IMPG1: variants seen among roughly 807,000 people sequenced by gnomAD.
The protein encoded by IMPG1 is interphotoreceptor matrix proteoglycan of 150 kDa.
Under a neutral mutation model 92.0 loss-of-function variants are expected in IMPG1, and 85 were observed. The observed-to-expected ratio is 0.92, with a 90% CI of 0.78 to 1.11. IMPG1 has a LOEUF of 1.11. Among genes scored for constraint, IMPG1 ranks in the 50% least tolerant of loss-of-function variants. The pLI is 0.00. For synonymous variants in IMPG1, 367 were observed against 334.1 expected (o/e 1.10, Z -1.08); for missense variants, 1,022 against 956.0 (o/e 1.07, Z -0.91).
At chr6:75,972,071 T>C (rs1782429171) in intron 12 of IMPG1, among the ~76,000 whole-genome samples, 1 of 152,206 alleles carries the variant, frequency 6.6e-6, no homozygotes, top group Non-Finnish European at 1.5e-5. Flanking sequence ...CAAGAGTTAG[T>C]CTAGGCTTGA....
intron 14 of IMPG1, among the ~76,000 whole-genome samples, chr6:75,936,001 A>AG (rs1457964765): frequency 1.3e-5 from 2 of 152,206 alleles, no homozygotes; most frequent in Non-Finnish European, 2.9e-5. Flanking sequence ...GATGTTACAC[A>AG]GGGACCTCAC....
intron 7 of IMPG1, among the ~76,000 whole-genome samples, chr6:76,012,963 AC>A (rs1783215692): frequency 6.6e-6 from 1 of 150,906 alleles, no homozygotes; most frequent in Non-Finnish European, 1.5e-5. Flanking sequence ...GCAGCCACCG[AC>A]TCTGGTTGGT....
rs149254300 is a variant in IMPG1, at chr6:76,003,895, T to C, written c.1191A>G (p.Thr397=). Residue 397 remains threonine (T), a synonymous_variant, in exon 11 of 17, where the codon ACA becomes ACG. Transcript: ENST00000369950. ...TTACCTCTGTTATAACAGCAAAAGATGTGGGCAGCTCTGATTGGGTGTCAG... is the reference window on the plus strand; with the variant it reads ...TTACCTCTGTTATAACAGCAAAAGACGTGGGCAGCTCTGATTGGGTGTCAG... ...FGPDTQSELP[T]SFAVITEDAT... 112 of 1,612,746 alleles carry C rather than the reference T, an allele frequency of 6.9e-5. No homozygotes were observed. Among genetic ancestry groups the C allele is most frequent in the Non-Finnish European group, 9.1e-5 (107 of 1,179,586 alleles).
chr6:76,030,605 A>G (rs1783636739), intron 4 of IMPG1, among the ~76,000 whole-genome samples: 1 of 152,150 alleles, frequency 6.6e-6, no homozygotes, highest in East Asian at 1.9e-4. Flanking sequence ...GCTCAGGGGA[A>G]AGGAACCCAG....
intron 15 of IMPG1, among the ~76,000 whole-genome samples, chr6:75,926,342 A>T (rs1160020487): frequency 2.0e-5 from 3 of 152,288 alleles, no homozygotes; most frequent in African/African-American, 7.2e-5. Context: ...CCTTCCCACT[A>T]TTCAGTGGAG....
intron 12 of IMPG1, among the ~76,000 whole-genome samples, chr6:75,982,650 T>G (rs990966623): frequency 1.3e-5 from 2 of 151,632 alleles, no homozygotes; most frequent in African/African-American, 4.8e-5. Context: ...TATATATATA[T>G]TCAAACAACT....
Position 75,957,212 on chromosome 6 carries a change from C to T in IMPG1, c.1292-6118G>A, listed in dbSNP as rs1281163039. On this transcript the variant is annotated intron_variant, in intron 12 of 16. Transcript: ENST00000369950. The stretch of plus-strand genomic sequence containing the variant: ...GGATTACAGGCATGAGCCACTGTGC[C>T]CAGCCGTTGAGTGAGTTTCTTAATC... Among the ~76,000 whole-genome samples, 5 of 152,058 alleles carry T rather than the reference C, an allele frequency of 3.3e-5. No homozygotes were observed. The East Asian group carries it at 9.6e-4, about 29-fold the overall frequency.
In IMPG1 at chr6:75,940,656, C is replaced by T. The variant is rs921524368; in HGVS notation, c.2044+6658G>A. Among the ~76,000 whole-genome samples, 47 of 152,126 alleles carry T rather than the reference C, an allele frequency of 3.1e-4. 1 individual carries two copies. The highest frequency in any genetic ancestry group is 1.1e-3 in the African/African-American group (44 of 41,424). On this transcript the variant is annotated intron_variant, in intron 14 of 16. Transcript: ENST00000369950. ...ACAAAAGAAAAAGAAAAACAAGACA[C>T]CAAAAGTGGAAGCAAATAGATTTGA... is the stretch of plus-strand genomic sequence containing the variant.
intron 1 of IMPG1, among the ~76,000 whole-genome samples, chr6:76,071,107 A>G (rs928130988): frequency 5.4e-5 from 8 of 148,962 alleles, no homozygotes; most frequent in Non-Finnish European, 1.2e-4. Context: ...AATATATTAC[A>G]TATATTAAAT....
rs1247567519 is a variant in IMPG1 at position 75,961,510 on chromosome 6, G to C, written c.1292-10416C>G. 2.6e-5 allele frequency among the ~76,000 whole-genome samples: 4 copies of C among 152,098 alleles called. No homozygotes were observed. In the East Asian group the frequency reaches 7.7e-4, roughly 29 times the overall value. ...AAATTCTGGCCCCAAAGAGCTTACT[G>C]TCTAGTGGTGGAAGACAAAAAACAA... On this transcript the variant is annotated intron_variant, in intron 12 of 16. Coordinates refer to ENST00000369950, the MANE Select transcript of IMPG1 (RefSeq NM_001563.4).
chr6:76,035,828 C>A (rs1334209832), intron 2 of IMPG1, among the ~76,000 whole-genome samples: 1 of 152,118 alleles, frequency 6.6e-6, no homozygotes, highest in Non-Finnish European at 1.5e-5. Flanking sequence ...GAGCAATTTG[C>A]AGTAACAATA....
rs1052622639 is a variant in IMPG1, at chr6:76,041,328, T to C, written c.301+565A>G. Among the ~76,000 whole-genome samples, 122 of 152,292 alleles carry C rather than the reference T, an allele frequency of 8.0e-4. 1 individual carries two copies. The highest frequency in any genetic ancestry group is 2.6e-3 in the African/African-American group (106 of 41,568). Reference sequence around the variant, plus strand: ...TCTGCTGGAAACCACTGTAATTGTGTTGTAAATTCTGCTAACACTCTTGCA... The same window carrying C: ...TCTGCTGGAAACCACTGTAATTGTGCTGTAAATTCTGCTAACACTCTTGCA... On this transcript the variant is annotated intron_variant, in intron 2 of 16. Coordinates refer to ENST00000369950, the MANE Select transcript of IMPG1 (RefSeq NM_001563.4).
chr6:76,034,277 A>G (rs770985270), intron 4 of IMPG1, 38 bp downstream of exon 4: 1 of 1,599,618 alleles, frequency 6.3e-7, no homozygotes, highest in South Asian at 1.1e-5. Flanking sequence ...TTTTAAATTC[A>G]AAAGCACACA....
At position 76,009,204 on chromosome 6, in the gene IMPG1, C is replaced by A. The variant is rs374765182; in HGVS notation, c.867-1704G>T. On this transcript the variant is annotated intron_variant, in intron 8 of 16. Transcript: ENST00000369950. ...GTATTTGAAGGAGTATACCCTCCAA[C>A]AAGACTGCATGATTGTTAATAGTTT... 2.6e-5 allele frequency among the ~76,000 whole-genome samples: 4 copies of A among 152,166 alleles called. No homozygotes were observed. In the East Asian group the frequency reaches 7.7e-4, roughly 29 times the overall value.
intron 4 of IMPG1, among the ~76,000 whole-genome samples, chr6:76,029,620 A>C (rs570265253): frequency 6.6e-6 from 1 of 152,172 alleles, no homozygotes; most frequent in East Asian, 1.9e-4. Flanking sequence ...AACAAGAGGG[A>C]TGGGTAATGT....
At chr6:76,018,195 C>A (rs534692723) in intron 7 of IMPG1, among the ~76,000 whole-genome samples, 2 of 152,160 alleles carry the variant, frequency 1.3e-5, no homozygotes, top group East Asian at 3.9e-4. Flanking sequence ...ACACACATAC[C>A]TATGATAAAG....
chr6:76,011,209 T>C lies in IMPG1; in HGVS notation c.823A>G (p.Lys275Glu). The C allele has an allele frequency of 6.4e-7, 1 of 1,553,234 alleles. No individual in the cohort carries two copies. Among genetic ancestry groups the C allele is most frequent in the Non-Finnish European group, 8.9e-7 (1 of 1,125,576 alleles). ...KSQLQMQKIF[K>E]KLPGFKKIHV... ...ATTTTTTTGAATCCTGGAAGTTTCT[T>C]AAATATCTTTTGCATCTGCAGAGAG... Residue 275 changes from lysine (K) to glutamate (E), a missense_variant, in exon 8 of 17, where the codon AAG becomes GAG. Transcript: ENST00000369950.
intron 12 of IMPG1, among the ~76,000 whole-genome samples, chr6:75,965,584 T>TTA (rs1248427545): frequency 2.6e-5 from 4 of 151,414 alleles, no homozygotes; most frequent in Admixed American, 6.6e-5. Flanking sequence ...TGAGAATTGT[T>TTA]TATATTTTCT....
chr6:75,999,313 C>T (rs1055888962), intron 12 of IMPG1, among the ~76,000 whole-genome samples: 1 of 151,450 alleles, frequency 6.6e-6, no homozygotes, highest in Non-Finnish European at 1.5e-5. Context: ...AACTTTATCT[C>T]AGAATTAACT....
Sources: gnomAD v4.1 joint callset for allele counts (sites outside exome capture counted in the v4.1 genomes callset) on GRCh38, gnomAD v4.1.1 for gene constraint, MANE v1.5 for transcripts, NCBI Gene and HGNC (gene_info 2026-07-23, HGNC 2026-07-21) for gene names.